Variants in MON2 observed in about 807,000 individuals in gnomAD.
The protein encoded by MON2 is protein MON2 homolog.
A neutral mutation model predicts 208.6 loss-of-function variants in MON2; 84 were observed. The observed-to-expected ratio is 0.40, with a 90% CI of 0.34 to 0.48. The LOEUF (loss-of-function observed/expected upper bound fraction) is 0.48, where lower values mean the gene tolerates loss of function less well. Among genes scored for constraint, MON2 ranks in the 20% least tolerant of loss-of-function variants. The probability of loss-of-function intolerance (pLI) is 0.59; values close to 1 mark genes in which losing one functional copy is unlikely to be tolerated. For synonymous variants in MON2, 660 were observed against 694.0 expected, an observed-to-expected ratio of 0.95 and a Z score of 0.77; for missense variants, 1,611 against 2,015.4, an observed-to-expected ratio of 0.80 and a Z score of 3.84.
chr12:62,468,003 T>G (rs560037990), intron 1 of MON2, among the ~76,000 whole-genome samples: 1 of 151,958 alleles, frequency 6.6e-6, no homozygotes, highest in African/African-American at 2.4e-5. Context: ...TTTTATATTA[T>G]GTATGGGAAA....
intron 1 of MON2, among the ~76,000 whole-genome samples, chr12:62,475,544 TA>T (rs1592805778): frequency 6.6e-6 from 1 of 151,856 alleles, no homozygotes; most frequent in East Asian, 1.9e-4. Context: ...TGCTTTGCAC[TA>T]TAGTGAATTT....
At chr12:62,547,926 C>G (rs1259181104) in intron 22 of MON2, among the ~76,000 whole-genome samples, 2 of 152,122 alleles carry the variant, frequency 1.3e-5, no homozygotes, top group Admixed American at 6.6e-5. Context: ...GTTCATACAG[C>G]AACAGAATCG....
intron 11 of MON2, among the ~76,000 whole-genome samples, chr12:62,531,861 C>T (rs930933914): frequency 3.3e-5 from 5 of 152,022 alleles, no homozygotes; most frequent in African/African-American, 1.2e-4. Flanking sequence ...GCTCTGCCTC[C>T]TTGGTTCATG....
intron 4 of MON2, among the ~76,000 whole-genome samples, 186 bp from the exon 5 acceptor site, chr12:62,498,733 A>G (rs1056464679): frequency 3.3e-5 from 5 of 152,200 alleles, no homozygotes; most frequent in African/African-American, 1.2e-4. Flanking sequence ...TACCATAGCT[A>G]ATCTTCTGTG....
At chr12:62,529,489 C>CT (rs1183034336) in intron 11 of MON2, among the ~76,000 whole-genome samples, 1 of 151,912 alleles carries the variant, frequency 6.6e-6, no homozygotes, top group African/African-American at 2.4e-5. Context: ...GATTCAGAAA[C>CT]TTTAAGATTT....
At chr12:62,583,098 G>A (rs960395367) in intron 32 of MON2, among the ~76,000 whole-genome samples, 3 of 152,160 alleles carry the variant, frequency 2.0e-5, no homozygotes, top group Non-Finnish European at 4.4e-5. Context: ...TTGGGAGGCC[G>A]AGGCAGGAGG....
chr12:62,545,215 G>A (rs571442614), intron 21 of MON2, among the ~76,000 whole-genome samples: 2 of 152,052 alleles, frequency 1.3e-5, no homozygotes, highest in East Asian at 3.9e-4. Context: ...TCTTGTGGAT[G>A]ACACTAACCT....
chr12:62,491,654 C>T (rs930592159), intron 2 of MON2, among the ~76,000 whole-genome samples: 10 of 152,148 alleles, frequency 6.6e-5, no homozygotes, highest in East Asian at 3.9e-4. Context: ...AGAAGACATA[C>T]GGTATTTTCA....
chr12:62,549,613 AAAAT>A (rs1324946976), intron 22 of MON2, 51 bp from the exon 23 acceptor site: 86 of 1,461,576 alleles, frequency 5.9e-5, no homozygotes, highest in Middle Eastern at 2.2e-4. Flanking sequence ...CCCTGTCTCA[AAAAT>A]AAATAAATAA....
At position 62,466,942 on chromosome 12, in the gene MON2, GC is replaced by G. The variant is rs936087936; in HGVS notation, c.-263del. ...GGGCCCCGCGGCAGCGGAGGGACCTGCCCGCCTTGTGGGTTTCTCGGCCAGA... is the reference window on the plus strand; with the variant it reads ...GGGCCCCGCGGCAGCGGAGGGACCTGCCGCCTTGTGGGTTTCTCGGCCAGA... On this transcript the variant is annotated 5_prime_UTR_variant, in exon 1 of 35. Coordinates refer to ENST00000393630, the MANE Select transcript of MON2 (RefSeq NM_015026.3). The G allele has an allele frequency of 3.5e-5, 18 of 515,892 alleles. No homozygotes were observed. In the African/African-American group the frequency reaches 3.6e-4, roughly 10 times the overall value. 32.0% of individuals were successfully genotyped at this position (515,892 alleles called of 1,614,324 possible).
At chr12:62,537,305 A>G (rs761134389) in intron 15 of MON2, 42 bp downstream of exon 15, 11 of 1,388,390 alleles carry the variant, frequency 7.9e-6, no homozygotes, top group Non-Finnish European at 1.1e-5. Context: ...TTAGCTATCA[A>G]GGAAACTTGT....
chr12:62,508,828 T>C (rs1412591275), intron 8 of MON2: 8 of 199,704 alleles, frequency 4.0e-5, no homozygotes, highest in Non-Finnish European at 6.2e-5. Context: ...TTTATACTGT[T>C]TCATATGTCT....
intron 32 of MON2, among the ~76,000 whole-genome samples, chr12:62,581,820 A>C (rs1350920629): frequency 1.3e-5 from 2 of 152,186 alleles, no homozygotes; most frequent in Non-Finnish European, 2.9e-5. Context: ...ACAGAGCGAG[A>C]CTGTCTCAAA....
chr12:62,546,058 G>T (rs1300880532), intron 21 of MON2, among the ~76,000 whole-genome samples: 1 of 152,092 alleles, frequency 6.6e-6, no homozygotes, highest in Non-Finnish European at 1.5e-5. Context: ...GATAGACAGA[G>T]TGCTTTTTTT....
At chr12:62,534,545 ATATAT>A (rs2072852355) in intron 12 of MON2, among the ~76,000 whole-genome samples, 2 of 28,080 alleles carry the variant, frequency 7.1e-5, no homozygotes, top group African/African-American at 1.5e-4. Flanking sequence ...AAAAAAAAAT[ATATAT>A]ATATATATAT....
intron 32 of MON2, among the ~76,000 whole-genome samples, chr12:62,581,366 G>A (rs1253708725): frequency 6.6e-6 from 1 of 151,860 alleles, no homozygotes; most frequent in East Asian, 1.9e-4. Context: ...AGCCTGGGCA[G>A]CACAGTGAGA....
chr12:62,526,464 T>A (rs2072334322), intron 11 of MON2, among the ~76,000 whole-genome samples: 1 of 152,126 alleles, frequency 6.6e-6, no homozygotes, highest in Non-Finnish European at 1.5e-5. Context: ...TTCTTTTTTT[T>A]AAACCTCATT....
At position 62,515,623 on chromosome 12, in the gene MON2, G is replaced by A. The variant is rs1329492942; in HGVS notation, c.984+7143G>A. The stretch of plus-strand genomic sequence containing the variant: ...CTGAGCTCAGGAGTTTGAGACCTTG[G>A]CCAACATGGTGAAACCCCGTCTCTA... On this transcript the variant is annotated intron_variant, in intron 8 of 34. Coordinates refer to ENST00000393630, the MANE Select transcript of MON2 (RefSeq NM_015026.3). Among the ~76,000 whole-genome samples the A allele has an allele frequency of 2.6e-5, 4 of 152,056 alleles. No homozygotes were observed. The East Asian group carries it at 5.8e-4, about 22-fold the overall frequency.
chr12:62,562,987 T>C (rs113993348), intron 26 of MON2, among the ~76,000 whole-genome samples: 8 of 152,190 alleles, frequency 5.3e-5, no homozygotes, highest in African/African-American at 1.9e-4. Flanking sequence ...GCTTTCTGTA[T>C]GTGCTTTACT....
Sources: gnomAD v4.1 joint callset for allele counts (sites outside exome capture counted in the v4.1 genomes callset) on GRCh38, gnomAD v4.1.1 for gene constraint, MANE v1.5 for transcripts, NCBI Gene and HGNC (gene_info 2026-07-23, HGNC 2026-07-21) for gene names.